NLK: variants seen among roughly 807,000 people sequenced by gnomAD.
NLK encodes the protein serine/threonine-protein kinase NLK.
In NLK, 11 loss-of-function variants were observed where a neutral mutation model predicts 59.0. The ratio of observed to expected loss-of-function variants is 0.19; its 90% confidence interval spans 0.12 to 0.31. The LOEUF (loss-of-function observed/expected upper bound fraction) is 0.31, where lower values mean the gene tolerates loss of function less well. NLK is among the 10% of genes least tolerant of loss of function. The pLI, the probability that NLK is intolerant of heterozygous loss-of-function variation, is 1.00. For synonymous variants in NLK, 235 were observed against 235.9 expected (o/e 1.00, Z 0.03); for missense variants, 410 against 661.1 (o/e 0.62, Z 4.16).
At chr17:28,141,822 G>A (rs1907005563) in intron 3 of NLK, among the ~76,000 whole-genome samples, 1 of 152,152 alleles carries the variant, frequency 6.6e-6, no homozygotes, top group Non-Finnish European at 1.5e-5. Flanking sequence ...ACAGTAAAAT[G>A]TTCCTAATCT....
rs760417549 is a variant in NLK, at chr17:28,168,641, A to G, written c.1031A>G (p.Gln344Arg). The G allele has an allele frequency of 6.2e-7, 1 of 1,613,482 alleles. No homozygotes were observed. The highest frequency in any genetic ancestry group is 1.1e-5 in the South Asian group (1 of 91,066). The stretch of plus-strand genomic sequence containing the variant: ...GGACGAAGAATATTGTTTCAGGCAC[A>G]GAGTCCCATTCAGCAGGTATGATTT... ...LLGRRILFQA[Q>R]SPIQQLDLIT... is the part of the protein sequence containing the mutation. The change falls in exon 6 of 11, where the codon CAG becomes CGG. Residue 344 changes from glutamine (Q) to arginine (R), a missense_variant. Gln to Arg is a conservative substitution (Grantham distance 43). Around this residue, in one of 5 missense-constraint regions of NLK, gnomAD observed 150 missense variants for 244.3 expected, o/e 0.61. Coordinates refer to ENST00000407008, the MANE Select transcript of NLK (RefSeq NM_016231.5).
At chr17:28,072,165 TA>T (rs1345394970) in intron 1 of NLK, among the ~76,000 whole-genome samples, 3 of 152,134 alleles carry the variant, frequency 2.0e-5, no homozygotes, top group South Asian at 2.1e-4. Context: ...ACTTCTTTTT[TA>T]TTTTTTTATT....
chr17:28,095,572 A>C (rs1253027818), intron 1 of NLK, among the ~76,000 whole-genome samples: 1 of 152,174 alleles, frequency 6.6e-6, no homozygotes, highest in Admixed American at 6.5e-5. Flanking sequence ...TTTAATCTTC[A>C]AGGACTTTAT....
At chr17:28,200,623 A>G (rs1415240476), downstream of NLK, among the ~76,000 whole-genome samples, 2 of 152,160 alleles carry the variant, frequency 1.3e-5, no homozygotes, top group Non-Finnish European at 2.9e-5. Flanking sequence ...AGCTGGGACT[A>G]CAGGCGTGTG....
intron 1 of NLK, among the ~76,000 whole-genome samples, chr17:28,064,078 A>G (rs1203809588): frequency 6.6e-6 from 1 of 152,102 alleles, no homozygotes; most frequent in Non-Finnish European, 1.5e-5. Flanking sequence ...TAGGCTTATC[A>G]AATTTGCTGA....
intron 2 of NLK, among the ~76,000 whole-genome samples, chr17:28,128,239 A>C (rs896726298): frequency 6.6e-6 from 1 of 152,192 alleles, no homozygotes; most frequent in African/African-American, 2.4e-5. Context: ...ACCCATAAAA[A>C]ATTGTTTAAT....
chr17:28,148,407 A>G (rs1323546334), intron 3 of NLK, among the ~76,000 whole-genome samples: 1 of 152,204 alleles, frequency 6.6e-6, no homozygotes, highest in Non-Finnish European at 1.5e-5. Context: ...TCATAAGTGC[A>G]GGGAAAATGT....
chr17:28,186,871 G>T (rs902079087), intron 8 of NLK, among the ~76,000 whole-genome samples: 45 of 152,198 alleles, frequency 3.0e-4, no homozygotes, highest in African/African-American at 1.0e-3. Context: ...GCCTGACAAA[G>T]TGGCAGTTCT....
chr17:28,086,072 T>C (rs1015227752), intron 1 of NLK, among the ~76,000 whole-genome samples: 8 of 152,298 alleles, frequency 5.3e-5, no homozygotes, highest in East Asian at 1.9e-4. Flanking sequence ...GCCACATTTT[T>C]CCCCCAAACC....
intron 1 of NLK, among the ~76,000 whole-genome samples, chr17:28,053,903 A>G (rs1909349538): frequency 6.6e-6 from 1 of 152,344 alleles, no homozygotes; most frequent in South Asian, 2.1e-4. Context: ...TTATCTTACC[A>G]GTACAAAAGT....
At chr17:28,108,676 A>G (rs1478783169) in intron 1 of NLK, among the ~76,000 whole-genome samples, 1 of 152,258 alleles carries the variant, frequency 6.6e-6, no homozygotes, top group Non-Finnish European at 1.5e-5. Context: ...AATAGCAAGT[A>G]TGAAATTAGT....
downstream of NLK, among the ~76,000 whole-genome samples, chr17:28,196,813 G>C (rs932060624): frequency 1.3e-5 from 2 of 152,194 alleles, no homozygotes; most frequent in African/African-American, 4.8e-5. Context: ...AGCTAAGGAA[G>C]AAGTCCCAGC....
At chr17:28,122,858 C>A in intron 2 of NLK, 126 bp downstream of exon 2, 3 of 977,566 alleles carry the variant, frequency 3.1e-6, no homozygotes, top group Non-Finnish European at 3.1e-6. Flanking sequence ...AGTTTTATGC[C>A]AAATGTGAAA....
intron 1 of NLK, among the ~76,000 whole-genome samples, chr17:28,100,722 C>T (rs1364094041): frequency 3.3e-5 from 5 of 152,088 alleles, no homozygotes. Flanking sequence ...AAGTTCATTT[C>T]ATCTATTTTT....
intron 1 of NLK, among the ~76,000 whole-genome samples, chr17:28,047,694 A>G (rs181394486): frequency 6.6e-6 from 1 of 152,368 alleles, no homozygotes; most frequent in African/African-American, 2.4e-5. Flanking sequence ...ATTACTCAGT[A>G]TAAGCCCTTG....
At chr17:28,141,401 G>A (rs1453837096) in intron 3 of NLK, among the ~76,000 whole-genome samples, 1 of 152,166 alleles carries the variant, frequency 6.6e-6, no homozygotes, top group African/African-American at 2.4e-5. Context: ...GAGTAGGTAA[G>A]GACTAGCATC....
the NLK span, among the ~76,000 whole-genome samples, chr17:28,201,947 C>T: frequency 7.2e-5 from 11 of 151,826 alleles, no homozygotes; most frequent in African/African-American, 2.7e-4. Flanking sequence ...ACCCAGGAGG[C>T]AGAAGTTGCA....
downstream of NLK, among the ~76,000 whole-genome samples, chr17:28,197,399 G>GTTCAAACC (rs1375221764): frequency 6.6e-6 from 1 of 151,668 alleles, no homozygotes; most frequent in Non-Finnish European, 1.5e-5. Context: ...AACCCAGGAG[G>GTTCAAACC]TGGAGGTTGC....
downstream of NLK, among the ~76,000 whole-genome samples, chr17:28,200,255 TCTC>T (rs1473223478): frequency 6.6e-6 from 1 of 152,230 alleles, no homozygotes; most frequent in African/African-American, 2.4e-5. Flanking sequence ...ATGAAGATTT[TCTC>T]CTACTTTTCT....
Sources: allele counts gnomAD v4.1 joint callset (sites outside exome capture counted in the v4.1 genomes callset), GRCh38; gene constraint gnomAD v4.1.1; regional missense constraint gnomAD v4.1.1; transcripts MANE v1.5; gene names NCBI Gene and HGNC (gene_info 2026-07-23, HGNC 2026-07-21).